TMCC3: variants seen among roughly 807,000 people sequenced by gnomAD.
The protein encoded by TMCC3 is transmembrane and coiled-coil domain protein 3.
Under a neutral mutation model 40.2 loss-of-function variants are expected in TMCC3, and 28 were observed. The ratio of observed to expected loss-of-function variants is 0.70; its 90% CI spans 0.52 to 0.95. The LOEUF (loss-of-function observed/expected upper bound fraction) is 0.95. Among genes scored for constraint, TMCC3 ranks in the 40% least tolerant of loss-of-function variants. The probability of loss-of-function intolerance (pLI) is 0.00; values close to 1 mark genes in which losing one functional copy is unlikely to be tolerated. For missense variants in TMCC3, 554 were observed against 615.2 expected (o/e 0.90, Z 1.05); for synonymous variants, 255 against 248.5 (o/e 1.03, Z -0.25).
intron 2 of TMCC3, among the ~76,000 whole-genome samples, chr12:94,580,976 C>A (rs2068597190): frequency 6.6e-6 from 1 of 152,144 alleles, no homozygotes; most frequent in South Asian, 2.1e-4. Context: ...ACACATAAAT[C>A]CTTCTCTAAT....
intron 1 of TMCC3, among the ~76,000 whole-genome samples, chr12:94,619,689 C>G (rs2068865068): frequency 6.6e-6 from 1 of 152,146 alleles, no homozygotes; most frequent in Non-Finnish European, 1.5e-5. Flanking sequence ...GGAAATTTAT[C>G]TAAATATGGT....
At chr12:94,642,984 A>G (rs1443135466) in intron 1 of TMCC3, among the ~76,000 whole-genome samples, 12 of 152,140 alleles carry the variant, frequency 7.9e-5, no homozygotes, top group African/African-American at 2.4e-4. Flanking sequence ...CGAGGTCAGG[A>G]GATCGAGACC....
At chr12:94,591,782 T>A (rs1429477401) in intron 1 of TMCC3, among the ~76,000 whole-genome samples, 1 of 151,972 alleles carries the variant, frequency 6.6e-6, no homozygotes, top group Non-Finnish European at 1.5e-5. Flanking sequence ...AATATACATA[T>A]ATGAGAGATA....
chr12:94,648,174 C>T (rs1181999768), intron 1 of TMCC3, among the ~76,000 whole-genome samples: 1 of 152,184 alleles, frequency 6.6e-6, no homozygotes, highest in African/African-American at 2.4e-5. Context: ...TATCTCCATG[C>T]TAACAATACA....
chr12:94,582,131 A>G lies in TMCC3; in HGVS notation c.486T>C (p.Asp162=). 6.2e-7 allele frequency: 1 copy of G among 1,614,152 alleles called. No homozygotes were observed. Among genetic ancestry groups the G allele is most frequent in the Non-Finnish European group, 8.5e-7 (1 of 1,180,034 alleles). ...GGGCATCTTTCAAAGAGCGATGTAT[A>G]TCCTTCAGGTGGTCTTTGGAAATGT... ...SKDISKDHLK[D]IHRSLKDAHV... is the part of the protein sequence containing the mutation. The change falls in exon 2 of 4, where the codon GAT becomes GAC. Residue 162 remains aspartate (D), a synonymous_variant. Coordinates refer to ENST00000261226, the MANE Select transcript of TMCC3 (RefSeq NM_020698.4).
intron 1 of TMCC3, among the ~76,000 whole-genome samples, chr12:94,646,431 C>CTTT (rs34398994): frequency 0.012 from 1,083 of 90,704 alleles, 43 homozygotes; most frequent in African/African-American, 0.024. Flanking sequence ...AAGCACACAC[C>CTTT]TTTTTTTTTT....
chr12:94,636,649 C>G (rs1006100974), intron 1 of TMCC3, among the ~76,000 whole-genome samples: 1 of 152,214 alleles, frequency 6.6e-6, no homozygotes, highest in Non-Finnish European at 1.5e-5. Flanking sequence ...TGGGCCTAAA[C>G]TAATCAGGTG....
rs1220944790 is a variant in TMCC3, at chr12:94,571,431, G to A, written c.*4C>T. 1 of 1,608,148 alleles carries A rather than the reference G, an allele frequency of 6.2e-7. No individual in the cohort carries two copies. The highest frequency in any genetic ancestry group is 8.5e-7 in the Non-Finnish European group (1 of 1,175,094). ...AAAGAACTTGAAGGCAGGAACCAGT[G>A]GCTTCATCTTGGTATTATCATCCTT... is the stretch of plus-strand genomic sequence containing the variant. On this transcript the variant is annotated 3_prime_UTR_variant, in exon 4 of 4. Transcript: ENST00000261226.
At chr12:94,643,504 G>A (rs1229082671) in intron 1 of TMCC3, among the ~76,000 whole-genome samples, 2 of 152,102 alleles carry the variant, frequency 1.3e-5, no homozygotes, top group Non-Finnish European at 2.9e-5. Context: ...CCAAACATCA[G>A]GCAAAAACAC....
intron 1 of TMCC3, chr12:94,616,174 G>A: frequency 1.2e-6 from 1 of 852,198 alleles, no homozygotes; most frequent in Non-Finnish European, 1.4e-6. Context: ...TCAACACATT[G>A]CTGTACAAAT....
intron 1 of TMCC3, among the ~76,000 whole-genome samples, chr12:94,600,357 G>A (rs1213874267): frequency 2.0e-5 from 3 of 149,464 alleles, no homozygotes; most frequent in African/African-American, 7.4e-5. Context: ...CCTATAGCAA[G>A]GGCAACAGTT....
chr12:94,624,611 G>A (rs1158759610), intron 1 of TMCC3, among the ~76,000 whole-genome samples: 1 of 152,122 alleles, frequency 6.6e-6, no homozygotes, highest in Non-Finnish European at 1.5e-5. Context: ...CTACTCAGGA[G>A]GCTGAGGCAC....
chr12:94,580,917 T>A (rs1243021188), intron 2 of TMCC3, among the ~76,000 whole-genome samples: 1 of 152,210 alleles, frequency 6.6e-6, no homozygotes, highest in Non-Finnish European at 1.5e-5. Context: ...TGAATCAGCA[T>A]CTTAAGATGC....
At chr12:94,642,509 T>C (rs2068996107) in intron 1 of TMCC3, among the ~76,000 whole-genome samples, 1 of 152,252 alleles carries the variant, frequency 6.6e-6, no homozygotes, top group African/African-American at 2.4e-5. Flanking sequence ...TCTCCTCGAA[T>C]GCCTTTAAGA....
intron 1 of TMCC3, among the ~76,000 whole-genome samples, chr12:94,605,312 T>C (rs1307846171): frequency 6.6e-6 from 1 of 152,210 alleles, no homozygotes; most frequent in Non-Finnish European, 1.5e-5. Context: ...AGATACTGTT[T>C]AGGTTCTTAT....
chr12:94,582,675 C>T, intron 1 of TMCC3, 137 bp from the exon 2 acceptor site: 1 of 742,944 alleles, frequency 1.3e-6, no homozygotes, highest in Non-Finnish European at 2.1e-6. Flanking sequence ...TAAAATCCCC[C>T]TGCTGTCCCC....
intron 1 of TMCC3, among the ~76,000 whole-genome samples, chr12:94,600,478 A>G (rs539093280): frequency 6.6e-6 from 1 of 152,234 alleles, no homozygotes; most frequent in South Asian, 2.1e-4. Context: ...ACTGCTTAAG[A>G]TGTTCAACGA....
At chr12:94,624,655 A>G (rs2087902056) in intron 1 of TMCC3, among the ~76,000 whole-genome samples, 1 of 151,606 alleles carries the variant, frequency 6.6e-6, no homozygotes, top group Non-Finnish European at 1.5e-5. Context: ...CAGAGGTTGC[A>G]GTGAGCCGAG....
At position 94,569,324 on chromosome 12, in the gene TMCC3, G is replaced by A. The variant is rs1029888959; in HGVS notation, c.*2111C>T. 3 of 152,296 alleles carry A rather than the reference G, an allele frequency of 2.0e-5. No individual in the cohort carries two copies. The highest frequency in any genetic ancestry group is 2.9e-5 in the Non-Finnish European group (2 of 68,136). 9.4% of individuals were successfully genotyped at this position (152,296 alleles called of 1,614,324 possible). A position where few individuals can be genotyped will look rare whatever the true frequency, so the allele number is the denominator to read the frequency against. ...CAGGTAAAGGGTAATGCTGGCCATC[G>A]AAATACAAAAGCTAAAGGAAGCACA... On this transcript the variant is annotated 3_prime_UTR_variant, in exon 4 of 4. Coordinates refer to ENST00000261226, the MANE Select transcript of TMCC3 (RefSeq NM_020698.4).
Sources: allele counts gnomAD v4.1 joint callset (sites outside exome capture counted in the v4.1 genomes callset), GRCh38; gene constraint gnomAD v4.1.1; transcripts MANE v1.5; gene names NCBI Gene and HGNC (gene_info 2026-07-23, HGNC 2026-07-21).